The following MACROD2 variants were observed in gnomAD, a reference collection of about 807,000 sequenced individuals.
MACROD2 encodes mono-ADP ribosylhydrolase 2, also known as ADP-ribose glycohydrolase MACROD2.
Under a neutral mutation model 70.4 loss-of-function variants are expected in MACROD2, and 36 were observed. The ratio of observed to expected loss-of-function variants is 0.51; its 90% CI spans 0.39 to 0.68. The LOEUF is 0.68. Among genes scored for constraint, MACROD2 ranks in the 30% least tolerant of loss-of-function variants. The pLI is 0.00. For synonymous variants in MACROD2, 172 were observed against 178.8 expected (o/e 0.96, Z 0.30); for missense variants, 496 against 538.4 (o/e 0.92, Z 0.78).
chr20:14,876,204 T>A (rs762411417), intron 5 of MACROD2, among the ~76,000 whole-genome samples: 6 of 152,080 alleles, frequency 3.9e-5, no homozygotes, highest in Non-Finnish European at 8.8e-5. Flanking sequence ...TGGTTTTGAT[T>A]TGCATTTCTG....
rs577464820 is a variant in MACROD2, at chr20:14,494,416, A to T, written c.301+908A>T. Among the ~76,000 whole-genome samples the T allele has an allele frequency of 2.0e-5, 3 of 152,248 alleles. No individual in the cohort carries two copies. The East Asian group carries it at 5.8e-4, about 29-fold the overall frequency. On this transcript the variant is annotated intron_variant, in intron 4 of 17. Coordinates refer to ENST00000684519, the MANE Select transcript of MACROD2 (RefSeq NM_001351661.2). The stretch of plus-strand genomic sequence containing the variant: ...TTAACCTTTGTTTCTCTGTAAGAAC[A>T]GTTGATTTTTAAAAAACAGAATCTT...
intron 5 of MACROD2, among the ~76,000 whole-genome samples, chr20:15,036,829 A>G (rs941675273): frequency 2.0e-5 from 3 of 152,066 alleles, no homozygotes; most frequent in African/African-American, 7.2e-5. Flanking sequence ...TTGCACATCA[A>G]AAACCCAAAG....
At chr20:15,913,948 C>T (rs932821735) in intron 10 of MACROD2, among the ~76,000 whole-genome samples, 2 of 152,114 alleles carry the variant, frequency 1.3e-5, no homozygotes, top group Admixed American at 1.3e-4. Flanking sequence ...ACCATGACTG[C>T]AAATCATTTC....
intron 15 of MACROD2, among the ~76,000 whole-genome samples, chr20:15,993,607 A>G (rs2066589416): frequency 6.6e-6 from 1 of 152,118 alleles, no homozygotes; most frequent in East Asian, 1.9e-4. Context: ...CTTCACCTTA[A>G]GCAATACATC....
rs145825796 is a variant in MACROD2, at chr20:15,700,119, T to C, written c.646-162626T>C. 7.7e-3 allele frequency among the ~76,000 whole-genome samples: 1,169 copies of C among 152,334 alleles called. 10 individuals carry two copies. The highest frequency in any genetic ancestry group is 0.027 in the African/African-American group (1,123 of 41,580). On this transcript the variant is annotated intron_variant, in intron 8 of 17. Coordinates refer to ENST00000684519, the MANE Select transcript of MACROD2 (RefSeq NM_001351661.2). The stretch of plus-strand genomic sequence containing the variant: ...CAATATTTGGGGGTCTCTCGGGTCC[T>C]GCAGGAGCAGTCTGCTTCCTACAGA...
chr20:14,621,661 C>T (rs2123453505), intron 4 of MACROD2: 1 of 152,266 alleles, frequency 6.6e-6, no homozygotes, highest in South Asian at 2.1e-4. Context: ...AGGATGAAAA[C>T]AAGTGAGGTA....
intron 3 of MACROD2, among the ~76,000 whole-genome samples, chr20:14,213,672 C>G (rs1373594495): frequency 1.3e-5 from 2 of 151,966 alleles, no homozygotes; most frequent in South Asian, 4.1e-4. Context: ...AATTAGTAAT[C>G]AACTCTCTAT....
chr20:14,243,412 T>C (rs2081944936), intron 3 of MACROD2, among the ~76,000 whole-genome samples: 1 of 152,212 alleles, frequency 6.6e-6, no homozygotes. Flanking sequence ...GTTAATTTGA[T>C]TGAAAATATC....
intron 15 of MACROD2, among the ~76,000 whole-genome samples, chr20:16,035,512 A>G (rs808943): frequency 0.74 from 112,356 of 151,722 alleles, 43,340 homozygotes; most frequent in Non-Finnish European, 0.84. Context: ...AGGTGATGTA[A>G]AGATTAACAC....
intron 8 of MACROD2, among the ~76,000 whole-genome samples, chr20:15,837,673 A>G (rs2064129194): frequency 6.6e-6 from 1 of 152,166 alleles, no homozygotes. Flanking sequence ...GATTTGCCCC[A>G]TATTATTAAC....
intron 2 of MACROD2, among the ~76,000 whole-genome samples, chr20:14,043,803 A>G (rs2053427979): frequency 6.6e-6 from 1 of 152,184 alleles, no homozygotes; most frequent in Non-Finnish European, 1.5e-5. Flanking sequence ...ATCATGTGAA[A>G]GGAGGGAAAG....
intron 5 of MACROD2, among the ~76,000 whole-genome samples, chr20:15,142,681 G>T (rs1568598262): frequency 3.6e-5 from 5 of 138,166 alleles, no homozygotes; most frequent in African/African-American, 1.4e-4. Context: ...CCCATGACAG[G>T]CCCCGGTGTG....
intron 10 of MACROD2, among the ~76,000 whole-genome samples, chr20:15,928,272 G>A (rs1349925118): frequency 1.3e-5 from 2 of 152,166 alleles, no homozygotes; most frequent in African/African-American, 4.8e-5. Flanking sequence ...ACATTCTGTT[G>A]CTTAAAATTA....
At chr20:15,009,841 T>G (rs565511171) in intron 5 of MACROD2, among the ~76,000 whole-genome samples, 2 of 151,848 alleles carry the variant, frequency 1.3e-5, no homozygotes, top group Non-Finnish European at 2.9e-5. Context: ...TTCTGAAAAT[T>G]TATCTCCTGC....
intron 5 of MACROD2, among the ~76,000 whole-genome samples, chr20:14,777,357 A>T (rs571387426): frequency 6.6e-6 from 1 of 152,130 alleles, no homozygotes; most frequent in African/African-American, 2.4e-5. Context: ...CAGCTCTACT[A>T]AGGGCTGGTT....
chr20:14,542,776 T>C (rs1191827985), intron 4 of MACROD2, among the ~76,000 whole-genome samples: 2 of 152,168 alleles, frequency 1.3e-5, no homozygotes, highest in Non-Finnish European at 2.9e-5. Context: ...TACATCGGAT[T>C]TTACTCTACA....
chr20:15,710,194 C>CAAAAAAAAA (rs67656339), intron 8 of MACROD2, among the ~76,000 whole-genome samples: 199 of 102,534 alleles, frequency 1.9e-3, no homozygotes, highest in East Asian at 5.8e-3. Flanking sequence ...ATCAAAAAGA[C>CAAAAAAAAA]AAAAAAAAAA....
chr20:14,673,547 A>G (rs2070821257), intron 4 of MACROD2, among the ~76,000 whole-genome samples: 1 of 152,156 alleles, frequency 6.6e-6, no homozygotes, highest in Non-Finnish European at 1.5e-5. Context: ...ATAAAATCTG[A>G]ATTCATATCT....
chr20:15,770,111 T>A lies in MACROD2; in HGVS notation c.646-92634T>A, dbSNP rs915151151. Among the ~76,000 whole-genome samples the A allele has an allele frequency of 6.2e-4, 89 of 144,578 alleles. 1 individual carries two copies. The highest frequency in any genetic ancestry group is 5.3e-3 in the Admixed American group (77 of 14,408). The allele number at this position is 144,578 out of a possible 152,430, so 94.8% of individuals were successfully genotyped here. ...TTTCTTTTTTTTTTTTTTTTTTTTT[T>A]AGAGATAGGGTCTTGCTTTCTTGCC... On this transcript the variant is annotated intron_variant, in intron 8 of 17. Coordinates refer to ENST00000684519, the MANE Select transcript of MACROD2 (RefSeq NM_001351661.2).
Sources: gnomAD v4.1 joint callset for allele counts (sites outside exome capture counted in the v4.1 genomes callset) on GRCh38, gnomAD v4.1.1 for gene constraint, MANE v1.5 for transcripts, NCBI Gene and HGNC (gene_info 2026-07-23, HGNC 2026-07-21) for gene names.